AMBRA1: variants seen among roughly 807,000 people sequenced by gnomAD.
AMBRA1 encodes the protein autophagy and beclin 1 regulator 1, also known as activating molecule in BECN1-regulated autophagy protein 1.
In AMBRA1, 47 loss-of-function variants were observed where a neutral mutation model predicts 125.4. The ratio of observed to expected loss-of-function variants is 0.37; its 90% CI spans 0.30 to 0.48. AMBRA1 has a LOEUF of 0.48. AMBRA1 is among the 20% of genes least tolerant of loss of function. AMBRA1 has a pLI of 0.99. For synonymous variants in AMBRA1, 626 were observed against 655.5 expected, an observed-to-expected ratio of 0.95 and a Z score of 0.69; for missense variants, 1,331 against 1,693.4, an observed-to-expected ratio of 0.79 and a Z score of 3.76.
At chr11:46,444,526 G>A (rs1948181356) in intron 11 of AMBRA1, among the ~76,000 whole-genome samples, 1 of 152,108 alleles carries the variant, frequency 6.6e-6, no homozygotes, top group Non-Finnish European at 1.5e-5. Context: ...AAACCCTGTT[G>A]GAAGAATAGA....
At chr11:46,560,952 G>A (rs1479362160) in intron 1 of AMBRA1, among the ~76,000 whole-genome samples, 1 of 152,146 alleles carries the variant, frequency 6.6e-6, no homozygotes, top group Admixed American at 6.6e-5. Context: ...TCAGGAGGCT[G>A]GAGTAGGGCC....
intron 11 of AMBRA1, among the ~76,000 whole-genome samples, chr11:46,455,157 G>T (rs919899370): frequency 6.6e-6 from 1 of 152,056 alleles, no homozygotes; most frequent in African/African-American, 2.4e-5. Context: ...AAATTGCTGG[G>T]ATTATGGGCA....
At chr11:46,470,791 T>C (rs1377389555) in intron 11 of AMBRA1, among the ~76,000 whole-genome samples, 1 of 151,958 alleles carries the variant, frequency 6.6e-6, no homozygotes, top group Non-Finnish European at 1.5e-5. Context: ...TCCCATTCTA[T>C]CTTCACAACC....
intron 12 of AMBRA1, among the ~76,000 whole-genome samples, chr11:46,441,640 G>GTAA: frequency 6.6e-6 from 1 of 152,274 alleles, no homozygotes; most frequent in South Asian, 2.1e-4. Context: ...AAACCATAGG[G>GTAA]TAAGCTAATA....
chr11:46,432,844 G>A (rs926777318), intron 14 of AMBRA1, among the ~76,000 whole-genome samples: 5 of 152,212 alleles, frequency 3.3e-5, no homozygotes, highest in Non-Finnish European at 7.3e-5. Context: ...GGCTAAATGA[G>A]CACCTATGGG....
intron 13 of AMBRA1, among the ~76,000 whole-genome samples, chr11:46,434,125 A>AG (rs1316052976): frequency 6.6e-6 from 1 of 151,460 alleles, no homozygotes; most frequent in Non-Finnish European, 1.5e-5. Flanking sequence ...CAAAAAAAAA[A>AG]AAAAAAAAAA....
At chr11:46,407,437 A>C (rs556087712) in intron 17 of AMBRA1, among the ~76,000 whole-genome samples, 1 of 152,282 alleles carries the variant, frequency 6.6e-6, no homozygotes, top group Admixed American at 6.5e-5. Flanking sequence ...CAGAGTCCAC[A>C]GAAACCTGCA....
At chr11:46,422,454 A>C (rs1946890669) in intron 14 of AMBRA1, among the ~76,000 whole-genome samples, 1 of 152,184 alleles carries the variant, frequency 6.6e-6, no homozygotes, top group Non-Finnish European at 1.5e-5. Context: ...TGTCCAAGAC[A>C]ATCTCTTGTA....
intron 14 of AMBRA1, among the ~76,000 whole-genome samples, chr11:46,424,293 A>G (rs1482773492): frequency 4.0e-5 from 6 of 150,856 alleles, no homozygotes; most frequent in Non-Finnish European, 8.8e-5. Context: ...CTTTGTTACT[A>G]TTGACAATGT....
chr11:46,518,755 GA>G (rs755063647), intron 7 of AMBRA1, among the ~76,000 whole-genome samples: 2 of 151,646 alleles, frequency 1.3e-5, no homozygotes, highest in African/African-American at 2.4e-5. Context: ...TTGTGCACTG[GA>G]AAAAAAACAT....
chr11:46,547,186 G>T lies in AMBRA1; in HGVS notation c.305C>A (p.Thr102Asn). Residue 102 changes from threonine (T) to asparagine (N), a missense_variant, in exon 4 of 18, where the codon ACT (threonine) becomes AAT (asparagine). Transcript: ENST00000683756. ...AAGGCCTGAGATGGTGGGATGAAAAGTGACACACCATGGAGTACGGCGGTG... is the reference window on the plus strand; with the variant it reads ...AAGGCCTGAGATGGTGGGATGAAAATTGACACACCATGGAGTACGGCGGTG... Reference protein sequence around the residue: ...IGHRRTPWCVTFHPTISGLIA... With the variant: ...IGHRRTPWCVNFHPTISGLIA... The T allele has an allele frequency of 6.2e-7, 1 of 1,614,192 alleles. No individual in the cohort carries two copies. The highest frequency in any genetic ancestry group is 8.5e-7 in the Non-Finnish European group (1 of 1,180,038).
chr11:46,432,277 T>A (rs1947492343), intron 14 of AMBRA1, among the ~76,000 whole-genome samples: 2 of 152,248 alleles, frequency 1.3e-5, no homozygotes, highest in South Asian at 4.1e-4. Context: ...AGTGATCAAT[T>A]CTATTAAGAT....
intron 17 of AMBRA1, among the ~76,000 whole-genome samples, chr11:46,406,321 T>C (rs1159684842): frequency 7.1e-6 from 1 of 141,150 alleles, no homozygotes; most frequent in Non-Finnish European, 1.5e-5. Flanking sequence ...CCAAAGTTGC[T>C]AGAATTACAG....
intron 13 of AMBRA1, among the ~76,000 whole-genome samples, chr11:46,434,429 A>C (rs1332580888): frequency 4.6e-5 from 7 of 151,672 alleles, no homozygotes; most frequent in Admixed American, 4.6e-4. Flanking sequence ...AAAAGTCTCA[A>C]GGCAACAATT....
intron 8 of AMBRA1, 136 bp from the exon 9 acceptor site, chr11:46,508,506 A>C (rs574467712): frequency 2.4e-6 from 2 of 818,338 alleles, no homozygotes; most frequent in Non-Finnish European, 3.8e-6. Flanking sequence ...AGGGCATTTA[A>C]CTCAACTCAC....
chr11:46,548,992 CA>C (rs879462338), intron 1 of AMBRA1: 41 of 142,146 alleles, frequency 2.9e-4, no homozygotes, highest in Non-Finnish European at 2.6e-4. Flanking sequence ...GACTCCATCT[CA>C]AAAAAAAAAA....
At chr11:46,437,911 C>A (rs1047946804) in intron 12 of AMBRA1, among the ~76,000 whole-genome samples, 2 of 152,128 alleles carry the variant, frequency 1.3e-5, no homozygotes, top group Non-Finnish European at 2.9e-5. Context: ...TTGTGTGACC[C>A]CAGCAGCACA....
chr11:46,442,241 C>T (rs754871969), intron 12 of AMBRA1, among the ~76,000 whole-genome samples: 1 of 151,728 alleles, frequency 6.6e-6, no homozygotes, highest in African/African-American at 2.4e-5. Context: ...CACACAGGTT[C>T]GAGCAATTCT....
intron 11 of AMBRA1, among the ~76,000 whole-genome samples, chr11:46,472,819 G>C (rs1344802854): frequency 6.6e-6 from 1 of 152,152 alleles, no homozygotes. Flanking sequence ...TCACTGAGCA[G>C]AGCTGTTCTC....
Sources: allele counts gnomAD v4.1 joint callset (sites outside exome capture counted in the v4.1 genomes callset), GRCh38; gene constraint gnomAD v4.1.1; transcripts MANE v1.5; gene names NCBI Gene and HGNC (gene_info 2026-07-23, HGNC 2026-07-21).